The following PRELID2 variants were observed in gnomAD, a reference collection of about 807,000 sequenced individuals.
PRELID2 encodes PRELI domain-containing protein 2.
A neutral mutation model predicts 28.4 loss-of-function variants in PRELID2; 25 were observed. The observed-to-expected ratio is 0.88, with a 90% confidence interval of 0.64 to 1.23. The LOEUF is 1.23. PRELID2 is among the 50% of genes most tolerant of loss of function. The pLI, the probability that PRELID2 is intolerant of heterozygous loss-of-function variation, is 0.00. For missense variants in PRELID2, 201 were observed against 214.4 expected, an observed-to-expected ratio of 0.94 and a Z score of 0.39; for synonymous variants, 76 against 71.6, an observed-to-expected ratio of 1.06 and a Z score of -0.31.
chr5:145,688,192 C>T (rs74685357), intron 1 of PRELID2, among the ~76,000 whole-genome samples: 23 of 152,216 alleles, frequency 1.5e-4, no homozygotes, highest in Admixed American at 8.5e-4. Context: ...CCTTCATCAG[C>T]GGTGTGACAC....
chr5:145,651,254 G>C (rs980355993), intron 1 of PRELID2, among the ~76,000 whole-genome samples: 7 of 152,194 alleles, frequency 4.6e-5, no homozygotes, highest in African/African-American at 1.7e-4. Flanking sequence ...AAACAAAGCA[G>C]CCTGGAAGCT....
chr5:145,722,565 C>G (rs1199569424), intron 1 of PRELID2, among the ~76,000 whole-genome samples: 4 of 152,066 alleles, frequency 2.6e-5, no homozygotes, highest in Admixed American at 6.6e-5. Flanking sequence ...GTGGCACAAT[C>G]TTGGCTCACT....
Position 145,823,097 on chromosome 5 carries a change from T to G in PRELID2, c.113A>C (p.Lys38Thr). 1 of 1,534,690 alleles carries G rather than the reference T, an allele frequency of 6.5e-7. No individual in the cohort carries two copies. The highest frequency in any genetic ancestry group is 2.2e-5 in the East Asian group (1 of 44,460). ...CTTACCTCTTTTTTCCTCCATGATT[T>G]TTACTGAGATGACATTTTTATCCAT... is the stretch of plus-strand genomic sequence containing the variant. ...NPMDKNVISV[K>T]IMEEKRDEST... Residue 38 changes from lysine to threonine, a missense_variant, in exon 2 of 7, where the codon AAA becomes ACA. Coordinates refer to ENST00000683046, the MANE Select transcript of PRELID2 (RefSeq NM_205846.3).
At chr5:145,263,253 TCCA>T in the PRELID2 span, among the ~76,000 whole-genome samples, 1 of 151,964 alleles carries the variant, frequency 6.6e-6, no homozygotes, top group Middle Eastern at 3.4e-3. Flanking sequence ...ACTTAAACAC[TCCA>T]CCAACAGAAC....
the PRELID2 span, among the ~76,000 whole-genome samples, chr5:145,334,443 T>C: frequency 3.9e-5 from 6 of 152,208 alleles, no homozygotes; most frequent in African/African-American, 1.4e-4. Context: ...GTTGCTATAG[T>C]CTTTTAAAAA....
At chr5:145,456,136 G>A in the PRELID2 span, among the ~76,000 whole-genome samples, 2 of 152,162 alleles carry the variant, frequency 1.3e-5, no homozygotes, top group African/African-American at 4.8e-5. Flanking sequence ...ATGTTACTGA[G>A]CTATAAGGAG....
chr5:145,800,161 T>G (rs1753034049), intron 4 of PRELID2, among the ~76,000 whole-genome samples: 1 of 152,056 alleles, frequency 6.6e-6, no homozygotes, highest in Non-Finnish European at 1.5e-5. Context: ...AAACTGTCAT[T>G]TTGGTCAAAA....
intron 1 of PRELID2, among the ~76,000 whole-genome samples, chr5:145,693,259 C>T (rs960112929): frequency 6.6e-6 from 1 of 151,506 alleles, no homozygotes; most frequent in African/African-American, 2.4e-5. Context: ...GTGATCCTTC[C>T]ATCTCAGCCT....
At chr5:145,352,419 T>C in the PRELID2 span, among the ~76,000 whole-genome samples, 1 of 152,146 alleles carries the variant, frequency 6.6e-6, no homozygotes, top group Non-Finnish European at 1.5e-5. Context: ...ACATTGGCCC[T>C]TTTTATCCAT....
At chr5:145,693,150 C>CTTT (rs747936867) in intron 1 of PRELID2, among the ~76,000 whole-genome samples, 3,206 of 141,640 alleles carry the variant, frequency 0.023, 131 homozygotes, top group African/African-American at 0.078. Flanking sequence ...ATAAATAAAT[C>CTTT]TTTTTTTTTT....
chr5:145,500,066 G>T (rs1009509630), intron 1 of PRELID2, among the ~76,000 whole-genome samples: 1 of 152,170 alleles, frequency 6.6e-6, no homozygotes, highest in African/African-American at 2.4e-5. Flanking sequence ...CTTGCTGTTG[G>T]AGAAGTTGTG....
At chr5:145,261,103 A>G in the PRELID2 span, among the ~76,000 whole-genome samples, 12,579 of 152,216 alleles carry the variant, frequency 0.083, 1,127 homozygotes, top group African/African-American at 0.23. Flanking sequence ...TAATCCACCC[A>G]GGAACGTAAT....
chr5:145,741,959 TAA>T (rs1229355573), intron 1 of PRELID2, among the ~76,000 whole-genome samples: 2 of 6,552 alleles, frequency 3.1e-4, no homozygotes, highest in Non-Finnish European at 1.8e-3. Context: ...TTATTATAAT[TAA>T]ATAAATAAAT....
chr5:145,393,024 G>A, the PRELID2 span, among the ~76,000 whole-genome samples: 14 of 152,216 alleles, frequency 9.2e-5, no homozygotes, highest in South Asian at 8.3e-4. Flanking sequence ...TTTACCTGGC[G>A]AAGCACCAAA....
At chr5:145,806,183 C>T (rs1465743515) in intron 4 of PRELID2, among the ~76,000 whole-genome samples, 3 of 151,988 alleles carry the variant, frequency 2.0e-5, no homozygotes, top group Non-Finnish European at 2.9e-5. Flanking sequence ...ACTTTATAAA[C>T]GTTTTCATTT....
the PRELID2 span, among the ~76,000 whole-genome samples, chr5:145,386,825 G>A: frequency 6.6e-6 from 1 of 152,058 alleles, no homozygotes; most frequent in African/African-American, 2.4e-5. Context: ...TTTTATAGAG[G>A]AGCTTCAACC....
At chr5:145,778,248 T>C (rs1294718396) in intron 5 of PRELID2, among the ~76,000 whole-genome samples, 1 of 151,528 alleles carries the variant, frequency 6.6e-6, no homozygotes, top group Non-Finnish European at 1.5e-5. Flanking sequence ...AGAAATAGGA[T>C]TATCAGCTGC....
rs1220301263 is a variant in PRELID2, at chr5:145,741,687, T to A, written n.70+23244A>T. 1.8e-3 allele frequency among the ~76,000 whole-genome samples: 35 copies of A among 19,158 alleles called. 16 individuals carry two copies. Among genetic ancestry groups the A allele is most frequent in the African/African-American group, 3.4e-3 (35 of 10,216 alleles). 12.6% of individuals were successfully genotyped at this position (19,158 alleles called of 152,430 possible). A position where few individuals can be genotyped will look rare whatever the true frequency, so the allele number is the denominator to read the frequency against. On this transcript the variant is annotated intron_variant and non_coding_transcript_variant, in intron 1 of 2. Coordinates refer to the PRELID2 transcript ENST00000510259. The stretch of plus-strand genomic sequence containing the variant: ...TATATATAAATAATTTATAAATAAT[T>A]TATTTATATATAAATAATTTATTTA...
intron 1 of PRELID2, among the ~76,000 whole-genome samples, chr5:145,617,180 TACAA>T (rs1376885596): frequency 6.6e-6 from 1 of 152,232 alleles, no homozygotes; most frequent in Non-Finnish European, 1.5e-5. Context: ...ACACATGCTC[TACAA>T]ACAATTTGTG....
Sources: allele counts gnomAD v4.1 joint callset (sites outside exome capture counted in the v4.1 genomes callset), GRCh38; gene constraint gnomAD v4.1.1; transcripts MANE v1.5; gene names NCBI Gene and HGNC (gene_info 2026-07-23, HGNC 2026-07-21).